Variants in OTX2 observed in about 807,000 individuals in gnomAD.
OTX2 encodes the protein homeobox protein OTX2.
A neutral mutation model predicts 29.0 loss-of-function variants in OTX2; 4 were observed. The ratio of observed to expected loss-of-function variants is 0.14; its 90% CI spans 0.07 to 0.32. The LOEUF is 0.32. Among genes scored for constraint, OTX2 ranks in the 10% least tolerant of loss-of-function variants. The probability of loss-of-function intolerance (pLI) is 1.00; values close to 1 mark genes in which losing one functional copy is unlikely to be tolerated. For synonymous variants in OTX2, 134 were observed against 141.0 expected, an observed-to-expected ratio of 0.95 and a Z score of 0.35; for missense variants, 298 against 365.9, an observed-to-expected ratio of 0.81 and a Z score of 1.51.
At chr14:56,809,489 A>C (rs2139546267) in intron 2 of OTX2, among the ~76,000 whole-genome samples, 1 of 152,308 alleles carries the variant, frequency 6.6e-6, no homozygotes, top group Non-Finnish European at 1.5e-5. Context: ...GCTGAGGGAG[A>C]GGAGGCCAAA....
In OTX2 at chr14:56,802,535, G is replaced by A. The variant is rs1891931608; in HGVS notation, c.274-180C>T. ...ACTCCTGGACTTGTAAGAAAGTTGG[G>A]GAGGCTCTGTCTAAAAACACTTGAC... On this transcript the variant is annotated intron_variant, in intron 4 of 4. Coordinates refer to ENST00000672264, the MANE Select transcript of OTX2 (RefSeq NM_021728.4). This position sits in a 1 kb window ranked among gnomAD's most constrained non-coding sequence, Gnocchi z 4.4. 1.3e-5 allele frequency among the ~76,000 whole-genome samples: 2 copies of A among 152,110 alleles called. No individual in the cohort carries two copies. The highest frequency in any genetic ancestry group is 2.4e-5 in the African/African-American group (1 of 41,426).
At chr14:56,803,616 G>A (rs1380581324) in intron 4 of OTX2, among the ~76,000 whole-genome samples, 2 of 152,314 alleles carry the variant, frequency 1.3e-5, no homozygotes, top group Admixed American at 6.5e-5. Flanking sequence ...TAAAACAAGA[G>A]GGGTGTCACT....
At position 56,810,213 on chromosome 14, in the gene OTX2, G is replaced by T. The variant is rs150887670; in HGVS notation, c.-174C>A. ...TCAAATATCCTTTAAATTCCAAATAGCCAGCTATCCTAAAAGAAATCAAGA... is the reference window on the plus strand; with the variant it reads ...TCAAATATCCTTTAAATTCCAAATATCCAGCTATCCTAAAAGAAATCAAGA... On this transcript the variant is annotated 5_prime_UTR_variant, in exon 2 of 5. Transcript: ENST00000672264. The T allele has an allele frequency of 6.6e-6, 1 of 152,106 alleles. No individual in the cohort carries two copies. Among genetic ancestry groups the T allele is most frequent in the African/African-American group, 2.4e-5 (1 of 41,396 alleles). The allele number at this position is 152,106 out of a possible 1,614,324, so 9.4% of individuals were successfully genotyped here.
intron 2 of OTX2, 51 bp from the exon 3 acceptor site, chr14:56,805,626 G>A (rs1016145843): frequency 6.2e-6 from 4 of 645,706 alleles, no homozygotes; most frequent in African/African-American, 5.4e-5. Context: ...CTGCTTCGGA[G>A]GCAGCAGCTC....
At chr14:56,803,877 T>A (rs1840927290) in intron 4 of OTX2, among the ~76,000 whole-genome samples, 1 of 152,242 alleles carries the variant, frequency 6.6e-6, no homozygotes, top group South Asian at 2.1e-4. Flanking sequence ...TACAAGTCCA[T>A]GAGAATAGGA....
chr14:56,803,037 G>C (rs76726177), intron 4 of OTX2, among the ~76,000 whole-genome samples: 1,849 of 152,266 alleles, frequency 0.012, 43 homozygotes, highest in African/African-American at 0.043. Context: ...TCTGGGACTC[G>C]AGTCTGTGTT....
chr14:56,804,399 G>A lies in OTX2; in HGVS notation c.98-36C>T. 7 of 1,586,222 alleles carry A rather than the reference G, an allele frequency of 4.4e-6. No homozygotes were observed. The highest frequency in any genetic ancestry group is 6.0e-6 in the Non-Finnish European group (7 of 1,163,418). On this transcript the variant is annotated intron_variant, in intron 3 of 4. Coordinates refer to ENST00000672264, the MANE Select transcript of OTX2 (RefSeq NM_021728.4). The surrounding 1 kb of genome is among the most constrained non-coding windows in gnomAD (Gnocchi z 4.1). ...GGGGAGCAGTTTCTCAGTCATAGGC[G>A]TTTCCGCGGGTTCTCCGACGCCCCT...
intron 3 of OTX2, 36 bp downstream of exon 3, chr14:56,805,324 G>A (rs1474745029): frequency 3.6e-6 from 5 of 1,404,176 alleles, no homozygotes; most frequent in Non-Finnish European, 5.1e-6. Context: ...TGGGCATGGG[G>A]AAGAGGGGTG....
chr14:56,802,184 T>G lies in OTX2; in HGVS notation c.445A>C (p.Thr149Pro). The G allele has an allele frequency of 1.2e-6, 2 of 1,613,986 alleles. No homozygotes were observed. Among genetic ancestry groups the G allele is most frequent in the Non-Finnish European group, 1.7e-6 (2 of 1,179,956 alleles). Reference protein sequence around the residue: ...FTPPSSTSVPTIASSSAPVSI... With the variant: ...FTPPSSTSVPPIASSSAPVSI... The stretch of plus-strand genomic sequence containing the variant: ...ACAGGAGCACTGCTGCTGGCAATGG[T>G]CGGGACTGAGGTGCTAGAGGGGGGA... Residue 149 changes from threonine (T) to proline (P), a missense_variant, in exon 5 of 5, where the codon ACC becomes CCC. Coordinates refer to ENST00000672264, the MANE Select transcript of OTX2 (RefSeq NM_021728.4). This position sits in a 1 kb window ranked among gnomAD's most constrained non-coding sequence, Gnocchi z 4.4.
At position 56,805,497 on chromosome 14, in the gene OTX2, G is replaced by A. The variant is rs779606022; in HGVS notation, c.-41C>T. 1.4e-6 allele frequency: 2 copies of A among 1,393,676 alleles called. No individual in the cohort carries two copies. The highest frequency in any genetic ancestry group is 2.8e-5 in the African/African-American group (2 of 70,534). 86.3% of individuals were successfully genotyped at this position (1,393,676 alleles called of 1,614,324 possible). Reference sequence around the variant, plus strand: ...AGGTGCAAAGTCGGCCCAAATCGGGGGTACCCAGCTGGAAGATCTTGATGC... The same window carrying A: ...AGGTGCAAAGTCGGCCCAAATCGGGAGTACCCAGCTGGAAGATCTTGATGC... On this transcript the variant is annotated 5_prime_UTR_variant, in exon 3 of 5. Coordinates refer to ENST00000672264, the MANE Select transcript of OTX2 (RefSeq NM_021728.4).
intron 4 of OTX2, among the ~76,000 whole-genome samples, chr14:56,803,570 C>T (rs147579953): frequency 3.3e-3 from 505 of 152,282 alleles, no homozygotes; most frequent in Non-Finnish European, 4.8e-3. Context: ...TGGAGTTGAC[C>T]TTCCCTCTCC....
Position 56,804,742 on chromosome 14 carries a change from T to A in OTX2, c.98-379A>T, listed in dbSNP as rs1443984313. Among the ~76,000 whole-genome samples, 1 of 152,164 alleles carries A rather than the reference T, an allele frequency of 6.6e-6. No homozygotes were observed. Among genetic ancestry groups the A allele is most frequent in the Non-Finnish European group, 1.5e-5 (1 of 68,024 alleles). On this transcript the variant is annotated intron_variant, in intron 3 of 4. Coordinates refer to ENST00000672264, the MANE Select transcript of OTX2 (RefSeq NM_021728.4). The surrounding 1 kb of genome is among the most constrained non-coding windows in gnomAD (Gnocchi z 4.1). Reference sequence around the variant, plus strand: ...CTCGAATTGATGGGGGAAATCTGGATCCTGTTCCCATGGTTTTTAGCACAC... The same window carrying A: ...CTCGAATTGATGGGGGAAATCTGGAACCTGTTCCCATGGTTTTTAGCACAC...
Position 56,801,988 on chromosome 14 carries a change from G to T in OTX2, c.641C>A (p.Thr214Asn), listed in dbSNP as rs150982073. The change falls in exon 5 of 5, where the codon ACC (threonine) becomes AAC (asparagine). Residue 214 changes from threonine (T) to asparagine (N), a missense_variant. Physicochemically the swap from Thr to Asn is moderately conservative, Grantham distance 65. Around this residue, in one of 3 missense-constraint regions of OTX2, gnomAD observed 219 missense variants for 223.5 expected, o/e 0.98. Transcript: ENST00000672264. This position sits in a 1 kb window ranked among gnomAD's most constrained non-coding sequence, Gnocchi z 4.2. ...FGGMDCGSYL[T>N]PMHHQLPGPG... Reference sequence around the variant, plus strand: ...TCCGGGAAGCTGGTGATGCATAGGGGTCAAATATGATCCACAGTCCATGCC... The same window carrying T: ...TCCGGGAAGCTGGTGATGCATAGGGTTCAAATATGATCCACAGTCCATGCC... The T allele has an allele frequency of 3.8e-4, 615 of 1,614,052 alleles. No individual in the cohort carries two copies. Among genetic ancestry groups the T allele is most frequent in the Non-Finnish European group, 4.9e-4 (574 of 1,180,042 alleles).
At chr14:56,803,194 AG>A (rs755166803) in intron 4 of OTX2, among the ~76,000 whole-genome samples, 1 of 152,206 alleles carries the variant, frequency 6.6e-6, no homozygotes, top group Non-Finnish European at 1.5e-5. Flanking sequence ...TTGGTGTACG[AG>A]GGGGCTTAGA....
At position 56,802,078 on chromosome 14, in the gene OTX2, G is replaced by T; in HGVS notation, c.551C>A (p.Pro184His). The T allele has an allele frequency of 6.2e-7, 1 of 1,614,152 alleles. No homozygotes were observed. The highest frequency in any genetic ancestry group is 8.5e-7 in the Non-Finnish European group (1 of 1,180,022). Residue 184 changes from proline (P) to histidine (H), a missense_variant, in exon 5 of 5, where the codon CCC becomes CAC. This residue lies in a region of OTX2 where 219 missense variants were observed against 223.5 expected (regional missense o/e 0.98). Coordinates refer to ENST00000672264, the MANE Select transcript of OTX2 (RefSeq NM_021728.4). The surrounding 1 kb of genome is among the most constrained non-coding windows in gnomAD (Gnocchi z 4.4). ...ACCTGAAGCCTGAGTATAGGTCATG[G>T]GATAGGACCTCTGCATGCAGGAAGA... ...TSSSCMQRSYPMTYTQASGYS... is the reference protein window; with the variant it reads ...TSSSCMQRSYHMTYTQASGYS...
In OTX2 at chr14:56,802,077, G is replaced by T. The variant is rs766762080; in HGVS notation, c.552C>A (p.Pro184=). ...TSSSCMQRSY[P]MTYTQASGYS... ...AACCTGAAGCCTGAGTATAGGTCAT[G>T]GGATAGGACCTCTGCATGCAGGAAG... Residue 184 remains proline, a synonymous_variant, in exon 5 of 5, where the codon CCC becomes CCA. Transcript: ENST00000672264. This position sits in a 1 kb window ranked among gnomAD's most constrained non-coding sequence, Gnocchi z 4.4. The T allele has an allele frequency of 6.2e-7, 1 of 1,614,158 alleles. No homozygotes were observed. The highest frequency in any genetic ancestry group is 1.1e-5 in the South Asian group (1 of 91,078).
At chr14:56,808,048 GC>G (rs1430333219) in intron 2 of OTX2, among the ~76,000 whole-genome samples, 3 of 151,108 alleles carry the variant, frequency 2.0e-5, no homozygotes, top group Non-Finnish European at 2.9e-5. Flanking sequence ...CACTGCCCGC[GC>G]CCCCCGCGCA....
At chr14:56,809,254 G>A (rs1351554226) in intron 2 of OTX2, among the ~76,000 whole-genome samples, 1 of 152,198 alleles carries the variant, frequency 6.6e-6, no homozygotes, top group Non-Finnish European at 1.5e-5. Context: ...AGGTGCGCGC[G>A]GAGGGCTACG....
At chr14:56,809,620 G>T (rs989148543) in intron 2 of OTX2, among the ~76,000 whole-genome samples, 1 of 152,088 alleles carries the variant, frequency 6.6e-6, no homozygotes, top group African/African-American at 2.4e-5. Flanking sequence ...GGCGGCCCCC[G>T]GCCCAGGCCG....
Sources: gnomAD v4.1 joint callset for allele counts (sites outside exome capture counted in the v4.1 genomes callset) on GRCh38, gnomAD v4.1.1 for gene constraint, gnomAD v4.1.1 regional missense constraint, Gnocchi (gnomAD v3.1) non-coding constraint, MANE v1.5 for transcripts, NCBI Gene and HGNC (gene_info 2026-07-23, HGNC 2026-07-21) for gene names.